YTHDC2: variants seen among roughly 807,000 people sequenced by gnomAD.
YTHDC2 encodes the protein 3'-5' RNA helicase YTHDC2.
In YTHDC2, 45 loss-of-function variants were observed where a neutral mutation model predicts 174.9. The observed-to-expected ratio is 0.26, with a 90% confidence interval of 0.20 to 0.33. YTHDC2 has a LOEUF of 0.33. Ranked by LOEUF, YTHDC2 falls within the 10% of genes least tolerant of loss-of-function variation. The probability of loss-of-function intolerance (pLI) is 1.00; values close to 1 mark genes in which losing one functional copy is unlikely to be tolerated. For synonymous variants in YTHDC2, 657 were observed against 574.5 expected (o/e 1.14, Z -2.05); for missense variants, 1,650 against 1,723.7 (o/e 0.96, Z 0.76).
intron 2 of YTHDC2, among the ~76,000 whole-genome samples, chr5:113,518,364 C>T (rs972183012): frequency 1.3e-5 from 2 of 151,850 alleles, no homozygotes; most frequent in Admixed American, 6.6e-5. Context: ...CCACACCCAA[C>T]TAATTTTTCT....
At chr5:113,542,338 A>G in intron 9 of YTHDC2, 30 bp from the exon 10 acceptor site, 2 of 1,601,064 alleles carry the variant, frequency 1.2e-6, no homozygotes, top group Non-Finnish European at 1.7e-6. Flanking sequence ...GTAATTTATG[A>G]TAATTTATGA....
At chr5:113,568,750 A>G (rs1397479439) in intron 23 of YTHDC2, among the ~76,000 whole-genome samples, 1 of 152,182 alleles carries the variant, frequency 6.6e-6, no homozygotes, top group Non-Finnish European at 1.5e-5. Context: ...TATATGTACC[A>G]TATTTTCTTT....
chr5:113,573,828 A>G (rs1398014058), intron 23 of YTHDC2, among the ~76,000 whole-genome samples: 1 of 152,076 alleles, frequency 6.6e-6, no homozygotes, highest in African/African-American at 2.4e-5. Context: ...TAGGTCGGTT[A>G]TGTTCTTCTC....
At chr5:113,545,357 TTTTTGTTTTGTTTTGTTTTG>T (rs58837820) in intron 10 of YTHDC2, among the ~76,000 whole-genome samples, 30 of 146,020 alleles carry the variant, frequency 2.1e-4, no homozygotes, top group Non-Finnish European at 2.5e-4. Context: ...TCATTATTCT[TTTTTGTTTTGTTTTGTTTTG>T]TTTTGTTTTG....
intron 10 of YTHDC2, among the ~76,000 whole-genome samples, chr5:113,547,303 C>T (rs1393508488): frequency 6.6e-6 from 1 of 152,136 alleles, no homozygotes; most frequent in East Asian, 1.9e-4. Context: ...CTGACCATCC[C>T]AGACTTATTG....
intron 26 of YTHDC2, among the ~76,000 whole-genome samples, chr5:113,586,873 C>CCATA (rs1778709786): frequency 7.8e-6 from 1 of 127,414 alleles, no homozygotes; most frequent in Non-Finnish European, 1.6e-5. Context: ...CTCTCTCTCT[C>CCATA]TATATATATA....
At chr5:113,544,086 C>T (rs1290074513) in intron 10 of YTHDC2, among the ~76,000 whole-genome samples, 1 of 152,138 alleles carries the variant, frequency 6.6e-6, no homozygotes, top group Non-Finnish European at 1.5e-5. Flanking sequence ...TTTTACTTAT[C>T]TCTGTGTCAC....
At chr5:113,548,395 T>G (rs528800746) in intron 10 of YTHDC2, 146 bp from the exon 11 acceptor site, 6 of 663,712 alleles carry the variant, frequency 9.0e-6, no homozygotes. Context: ...TTAAGGGTTA[T>G]GTAGTGCTGT....
chr5:113,574,930 T>C (rs1157182569), intron 23 of YTHDC2, among the ~76,000 whole-genome samples: 3 of 152,180 alleles, frequency 2.0e-5, no homozygotes, highest in Non-Finnish European at 2.9e-5. Context: ...AAATGTGGTT[T>C]CCCGGGAGGG....
intron 25 of YTHDC2, 146 bp from the exon 26 acceptor site, chr5:113,584,156 T>C (rs753304877): frequency 7.7e-5 from 50 of 646,014 alleles, no homozygotes; most frequent in Non-Finnish European, 9.9e-5. Context: ...GACCTTAGTA[T>C]TTTTAAATAA....
At chr5:113,561,257 G>A (rs1049211159) in intron 18 of YTHDC2, 72 bp downstream of exon 18, 1 of 1,135,500 alleles carries the variant, frequency 8.8e-7, no homozygotes, top group East Asian at 2.6e-5. Context: ...AACTTCTATG[G>A]ATTAGGCCTT....
intron 18 of YTHDC2, among the ~76,000 whole-genome samples, chr5:113,561,518 G>GA (rs1776972041): frequency 6.8e-6 from 1 of 146,740 alleles, no homozygotes; most frequent in East Asian, 2.0e-4. Flanking sequence ...GCCCAGGCTA[G>GA]AGTGCAGTGG....
chr5:113,570,088 CTTTAT>C (rs201466998), intron 23 of YTHDC2, among the ~76,000 whole-genome samples: 1 of 151,598 alleles, frequency 6.6e-6, no homozygotes, highest in South Asian at 2.1e-4. Flanking sequence ...TTTTATTTTA[CTTTAT>C]TTTATTTTAT....
intron 23 of YTHDC2, among the ~76,000 whole-genome samples, chr5:113,577,512 G>A (rs951494738): frequency 6.6e-6 from 1 of 152,024 alleles, no homozygotes; most frequent in African/African-American, 2.4e-5. Context: ...TGGGACTAAA[G>A]GCACACACCA....
In YTHDC2 at chr5:113,565,877, T is replaced by C; in HGVS notation, c.2716-16T>C. On this transcript the variant is annotated splice_polypyrimidine_tract_variant and intron_variant, in intron 20 of 29. Transcript: ENST00000161863. ...TAGTAAATGTGTCTTGTTATGCAAT[T>C]ATTCTCTTTTTATAGGCCTGGCAAA... 6.2e-7 allele frequency: 1 copy of C among 1,608,880 alleles called. No homozygotes were observed. The highest frequency in any genetic ancestry group is 8.5e-7 in the Non-Finnish European group (1 of 1,178,162).
chr5:113,557,330 C>T (rs958765201), intron 17 of YTHDC2, among the ~76,000 whole-genome samples: 1 of 152,138 alleles, frequency 6.6e-6, no homozygotes, highest in African/African-American at 2.4e-5. Context: ...ACATGAAATG[C>T]TGACTTTCAA....
chr5:113,567,422 A>ATG, intron 22 of YTHDC2, 125 bp downstream of exon 22: 2 of 375,558 alleles, frequency 5.3e-6, no homozygotes, highest in Non-Finnish European at 8.2e-6. Context: ...ATATATATAT[A>ATG]TATATCATTA....
intron 5 of YTHDC2, among the ~76,000 whole-genome samples, chr5:113,533,606 A>G (rs1246742349): frequency 6.6e-6 from 1 of 152,044 alleles, no homozygotes; most frequent in Admixed American, 6.5e-5. Flanking sequence ...TACCTCTTTG[A>G]GCCTCAGTGT....
chr5:113,593,584 CTT>C lies in YTHDC2; in HGVS notation c.*113_*114del, dbSNP rs906120089. 1.7e-4 allele frequency: 74 copies of C among 429,092 alleles called. No homozygotes were observed. Among genetic ancestry groups the C allele is most frequent in the Middle Eastern group, 6.2e-4 (1 of 1,616 alleles). The allele number at this position is 429,092 out of a possible 1,614,324, so 26.6% of individuals were successfully genotyped here. A position where few individuals can be genotyped will look rare whatever the true frequency, so the allele number is the denominator to read the frequency against. On this transcript the variant is annotated 3_prime_UTR_variant, in exon 30 of 30. Transcript: ENST00000161863. Reference sequence around the variant, plus strand: ...TGTGTTACGAATGGGCTTTTTAACACTTTTAGAGTGTTGCTTTAGAACTACCA... The same window carrying C: ...TGTGTTACGAATGGGCTTTTTAACACTTAGAGTGTTGCTTTAGAACTACCA...
Sources: gnomAD v4.1 joint callset for allele counts (sites outside exome capture counted in the v4.1 genomes callset) on GRCh38, gnomAD v4.1.1 for gene constraint, MANE v1.5 for transcripts, NCBI Gene and HGNC (gene_info 2026-07-23, HGNC 2026-07-21) for gene names.